The following TBC1D4 variants were observed in gnomAD, a reference collection of about 807,000 sequenced individuals.
TBC1D4 encodes the protein TBC1 domain family member 4, also known as TBC (Tre-2, BUB2, CDC16) domain-containing protein.
Under a neutral mutation model 142.5 loss-of-function variants are expected in TBC1D4, and 121 were observed. The ratio of observed to expected loss-of-function variants is 0.85; its 90% CI spans 0.73 to 0.99. The LOEUF is 0.99. Ranked by LOEUF, TBC1D4 falls within the 50% of genes least tolerant of loss-of-function variation. The probability of loss-of-function intolerance (pLI) is 0.00; values close to 1 mark genes in which losing one functional copy is unlikely to be tolerated. For synonymous variants in TBC1D4, 630 were observed against 628.2 expected (o/e 1.00, Z -0.04); for missense variants, 1,475 against 1,606.6 (o/e 0.92, Z 1.40).
At chr13:75,382,406 T>C (rs1883903516) in intron 1 of TBC1D4, among the ~76,000 whole-genome samples, 1 of 152,190 alleles carries the variant, frequency 6.6e-6, no homozygotes, top group Admixed American at 6.5e-5. Flanking sequence ...GCTCCAACTT[T>C]TTTCCTTGAC....
At chr13:75,455,552 C>A (rs138410727) in intron 1 of TBC1D4, among the ~76,000 whole-genome samples, 3 of 151,696 alleles carry the variant, frequency 2.0e-5, no homozygotes, top group Admixed American at 6.6e-5. Context: ...GTCCAGCCTG[C>A]GAACATAAAT....
At chr13:75,448,195 TA>T (rs1362118699) in intron 1 of TBC1D4, among the ~76,000 whole-genome samples, 1 of 152,148 alleles carries the variant, frequency 6.6e-6, no homozygotes, top group East Asian at 1.9e-4. Context: ...AAATGCTTAA[TA>T]AAAGTTTACT....
rs537077477 is a variant in TBC1D4, at chr13:75,411,326, T to C, written c.499-48719A>G. 2.0e-5 allele frequency among the ~76,000 whole-genome samples: 3 copies of C among 152,314 alleles called. No individual in the cohort carries two copies. In the East Asian group the frequency reaches 5.8e-4, roughly 29 times the overall value. Reference sequence around the variant, plus strand: ...AGGAGGGCTTAACGTAAAATCTCATTAATACTATTATTATGTCTGCCTCAT... The same window carrying C: ...AGGAGGGCTTAACGTAAAATCTCATCAATACTATTATTATGTCTGCCTCAT... On this transcript the variant is annotated intron_variant, in intron 1 of 20. Transcript: ENST00000377636.
intron 1 of TBC1D4, among the ~76,000 whole-genome samples, chr13:75,370,057 T>C (rs1333219847): frequency 6.6e-6 from 1 of 152,162 alleles, no homozygotes; most frequent in African/African-American, 2.4e-5. Context: ...CTCTATAAGA[T>C]GATATATGAG....
chr13:75,447,840 T>C (rs1322168165), intron 1 of TBC1D4, among the ~76,000 whole-genome samples: 1 of 152,060 alleles, frequency 6.6e-6, no homozygotes, highest in Non-Finnish European at 1.5e-5. Flanking sequence ...AGGCTCCTTA[T>C]GAAAATCTAA....
At chr13:75,417,469 A>G (rs1234488945) in intron 1 of TBC1D4, among the ~76,000 whole-genome samples, 1 of 152,040 alleles carries the variant, frequency 6.6e-6, no homozygotes, top group Non-Finnish European at 1.5e-5. Context: ...AAATTATAAT[A>G]CCAGATAGAA....
chr13:75,404,288 A>C (rs1362800611), intron 1 of TBC1D4, among the ~76,000 whole-genome samples: 2 of 152,218 alleles, frequency 1.3e-5, no homozygotes, highest in Non-Finnish European at 2.9e-5. Context: ...AGAAAAGGTG[A>C]AGATAGTTGA....
intron 1 of TBC1D4, among the ~76,000 whole-genome samples, chr13:75,405,426 T>A (rs1885293962): frequency 6.6e-6 from 1 of 151,986 alleles, no homozygotes; most frequent in Admixed American, 6.6e-5. Context: ...CACGCTGCCA[T>A]ACCCAGCTAA....
At chr13:75,340,577 T>A (rs1880600959) in intron 7 of TBC1D4, among the ~76,000 whole-genome samples, 1 of 152,232 alleles carries the variant, frequency 6.6e-6, no homozygotes, top group African/African-American at 2.4e-5. Context: ...TGCTTTTTTT[T>A]AACCAAAACC....
chr13:75,296,308 A>G (rs1875921327), intron 17 of TBC1D4, among the ~76,000 whole-genome samples: 1 of 152,192 alleles, frequency 6.6e-6, no homozygotes. Flanking sequence ...CTGAGCATCT[A>G]TCAACAAAAG....
intron 17 of TBC1D4, among the ~76,000 whole-genome samples, 159 bp from the exon 18 acceptor site, chr13:75,295,172 G>A (rs1417396016): frequency 6.6e-6 from 1 of 152,102 alleles, no homozygotes; most frequent in East Asian, 1.9e-4. Flanking sequence ...TAAAATCCAA[G>A]TTCACTTAAC....
chr13:75,467,460 GA>G (rs1175399851), intron 1 of TBC1D4, among the ~76,000 whole-genome samples: 1 of 152,158 alleles, frequency 6.6e-6, no homozygotes, highest in East Asian at 1.9e-4. Flanking sequence ...GGTGTAAAAA[GA>G]AAAGCTGTTT....
chr13:75,411,126 C>G (rs994238343), intron 1 of TBC1D4, among the ~76,000 whole-genome samples: 8 of 152,056 alleles, frequency 5.3e-5, no homozygotes, highest in Non-Finnish European at 1.0e-4. Context: ...GGTTTAAACG[C>G]TCTTCTCCAC....
rs1481001394 is a variant in TBC1D4, at chr13:75,285,376, C to T, written c.*1416G>A. ...CCCAGATAATCCATCTGTGAAAATA[C>T]AAGTACTGCAAAAAGCAGTGAGGAT... On this transcript the variant is annotated 3_prime_UTR_variant, in exon 21 of 21. Transcript: ENST00000377636. 1 of 152,164 alleles carries T rather than the reference C, an allele frequency of 6.6e-6. No individual in the cohort carries two copies. Among genetic ancestry groups the T allele is most frequent in the Non-Finnish European group, 1.5e-5 (1 of 68,014 alleles). The allele number at this position is 152,164 out of a possible 1,614,324, so 9.4% of individuals were successfully genotyped here.
At chr13:75,304,226 C>A (rs541900619) in intron 15 of TBC1D4, among the ~76,000 whole-genome samples, 1 of 152,310 alleles carries the variant, frequency 6.6e-6, no homozygotes, top group South Asian at 2.1e-4. Context: ...AAATGAATCA[C>A]TGATAACATG....
At chr13:75,316,427 G>T (rs1168977988) in intron 12 of TBC1D4, 1 of 152,124 alleles carries the variant, frequency 6.6e-6, no homozygotes, top group Admixed American at 6.6e-5. Flanking sequence ...CAAAAAATTA[G>T]CAGTCAAAAT....
chr13:75,437,711 A>C (rs1375739145), intron 1 of TBC1D4, among the ~76,000 whole-genome samples: 4 of 152,050 alleles, frequency 2.6e-5, no homozygotes, highest in African/African-American at 9.7e-5. Context: ...AAAGTTTGGC[A>C]GCTCTCCAGT....
chr13:75,314,694 G>A (rs1170819195), intron 12 of TBC1D4, among the ~76,000 whole-genome samples: 3 of 152,026 alleles, frequency 2.0e-5, no homozygotes, highest in Non-Finnish European at 4.4e-5. Flanking sequence ...GGCCAGGCAC[G>A]GTGGCTCACC....
At chr13:75,308,010 C>G (rs542576232) in intron 14 of TBC1D4, among the ~76,000 whole-genome samples, 1 of 152,142 alleles carries the variant, frequency 6.6e-6, no homozygotes, top group Non-Finnish European at 1.5e-5. Context: ...GATTATTGAT[C>G]ATTTAAAATA....
Sources: gnomAD v4.1 joint callset for allele counts (sites outside exome capture counted in the v4.1 genomes callset) on GRCh38, gnomAD v4.1.1 for gene constraint, MANE v1.5 for transcripts, NCBI Gene and HGNC (gene_info 2026-07-23, HGNC 2026-07-21) for gene names.